PLSCR2: variants seen among roughly 807,000 people sequenced by gnomAD.
PLSCR2 encodes PL scramblase 2.
In PLSCR2, 18 loss-of-function variants were observed where a neutral mutation model predicts 25.3. The ratio of observed to expected loss-of-function variants is 0.71; its 90% CI spans 0.49 to 1.06. PLSCR2 has a LOEUF of 1.06. PLSCR2 is among the 50% of genes least tolerant of loss of function. The probability of loss-of-function intolerance (pLI) is 0.00; values close to 1 mark genes in which losing one functional copy is unlikely to be tolerated. For missense variants in PLSCR2, 243 were observed against 269.5 expected, an observed-to-expected ratio of 0.90 and a Z score of 0.69; for synonymous variants, 88 against 87.3, an observed-to-expected ratio of 1.01 and a Z score of -0.04.
chr3:146,395,930 G>A, intron 2 of PLSCR2: 1 of 326,446 alleles, frequency 3.1e-6, no homozygotes, highest in Non-Finnish European at 6.0e-6. Flanking sequence ...AACTAAAATG[G>A]AAAAATATAT....
intron 2 of PLSCR2, among the ~76,000 whole-genome samples, chr3:146,404,220 C>T (rs1168525174): frequency 2.6e-5 from 4 of 152,136 alleles, no homozygotes; most frequent in East Asian, 3.9e-4. Context: ...AAGTACCTTG[C>T]CTTGCTGAGA....
At chr3:146,483,610 G>A (rs1051026117) in intron 1 of PLSCR2, among the ~76,000 whole-genome samples, 11 of 149,976 alleles carry the variant, frequency 7.3e-5, no homozygotes, top group Admixed American at 1.3e-4. Context: ...CAGCCTCTTC[G>A]GGTGATGTAT....
intron 2 of PLSCR2, among the ~76,000 whole-genome samples, chr3:146,426,242 TCTCC>T (rs1279307821): frequency 9.4e-6 from 1 of 105,932 alleles, no homozygotes; most frequent in Non-Finnish European, 1.8e-5. Context: ...TCCCTCCCTC[TCTCC>T]CTCTCTCCCT....
chr3:146,473,020 C>T (rs775285747), intron 1 of PLSCR2, among the ~76,000 whole-genome samples: 1 of 152,130 alleles, frequency 6.6e-6, no homozygotes, highest in Non-Finnish European at 1.5e-5. Flanking sequence ...AATTTTTAAC[C>T]TTTCCTTAAT....
At chr3:146,440,376 G>A (rs1576630758), downstream of PLSCR2, among the ~76,000 whole-genome samples, 5 of 152,360 alleles carry the variant, frequency 3.3e-5, no homozygotes, top group South Asian at 1.0e-3. Flanking sequence ...TCCAGAGGTG[G>A]AGTCTACAGA....
chr3:146,434,547 T>C (rs564662310), intron 8 of PLSCR2, among the ~76,000 whole-genome samples: 75 of 152,108 alleles, frequency 4.9e-4, no homozygotes, highest in Admixed American at 1.0e-3. Flanking sequence ...TAGACTTTTA[T>C]ATATATATGA....
At chr3:146,402,205 G>A (rs2038496286) in intron 2 of PLSCR2, among the ~76,000 whole-genome samples, 1 of 152,052 alleles carries the variant, frequency 6.6e-6, no homozygotes, top group Non-Finnish European at 1.5e-5. Context: ...ATCCCCTATT[G>A]AGGATTACTA....
intron 3 of PLSCR2, among the ~76,000 whole-genome samples, chr3:146,391,865 T>C (rs1016878786): frequency 1.3e-5 from 2 of 152,124 alleles, no homozygotes; most frequent in Admixed American, 6.5e-5. Flanking sequence ...ACATACTCAT[T>C]TTAGAAAACT....
At chr3:146,490,945 T>C (rs1315885879) in intron 1 of PLSCR2, among the ~76,000 whole-genome samples, 1 of 152,118 alleles carries the variant, frequency 6.6e-6, no homozygotes, top group Non-Finnish European at 1.5e-5. Context: ...ATAGTGTCAG[T>C]GGGCTATGCA....
chr3:146,486,058 G>A (rs1307310307), intron 1 of PLSCR2, among the ~76,000 whole-genome samples: 3 of 151,896 alleles, frequency 2.0e-5, no homozygotes, highest in Non-Finnish European at 2.9e-5. Context: ...GAGACACAGA[G>A]CCAAACTGTA....
At chr3:146,483,483 A>G (rs1438734004) in intron 1 of PLSCR2, among the ~76,000 whole-genome samples, 1 of 81,204 alleles carries the variant, frequency 1.2e-5, no homozygotes, top group Non-Finnish European at 2.5e-5. Context: ...ACATGTGTAT[A>G]TATATATATA....
chr3:146,478,174 C>A (rs934252740), intron 1 of PLSCR2, among the ~76,000 whole-genome samples: 3 of 152,112 alleles, frequency 2.0e-5, no homozygotes, highest in African/African-American at 7.2e-5. Flanking sequence ...ACCAGAGCAC[C>A]CCTTCTCCTC....
In PLSCR2 at chr3:146,486,798, C is replaced by T. The variant is rs537624372; in HGVS notation, c.-293+9097G>A. 3.3e-5 allele frequency among the ~76,000 whole-genome samples: 5 copies of T among 152,180 alleles called. No homozygotes were observed. In the East Asian group the frequency reaches 9.7e-4, roughly 29 times the overall value. ...TTCCAAACAACTGAAAGGAAGGACT[C>T]CTCCTTAATTCATTTTAGGAGGCAG... On this transcript the variant is annotated intron_variant, in intron 1 of 8. Transcript: ENST00000336685.
chr3:146,424,475 C>G (rs1053609375), intron 2 of PLSCR2, among the ~76,000 whole-genome samples: 1 of 152,060 alleles, frequency 6.6e-6, no homozygotes, highest in Non-Finnish European at 1.5e-5. Context: ...CTTTTGACCT[C>G]AGAAATTATA....
chr3:146,464,572 AAAAC>A (rs755984816), upstream of PLSCR2, among the ~76,000 whole-genome samples: 19 of 152,334 alleles, frequency 1.2e-4, no homozygotes, highest in African/African-American at 4.1e-4. Flanking sequence ...ATGCTGTACT[AAAAC>A]AAAGCAAAAG....
At chr3:146,416,162 G>T (rs2039001278) in intron 2 of PLSCR2, among the ~76,000 whole-genome samples, 1 of 152,008 alleles carries the variant, frequency 6.6e-6, no homozygotes, top group South Asian at 2.1e-4. Flanking sequence ...GTGTTAGCCA[G>T]GATGGTCTCT....
chr3:146,495,547 A>G (rs912532551), intron 1 of PLSCR2, among the ~76,000 whole-genome samples: 3 of 152,118 alleles, frequency 2.0e-5, no homozygotes, highest in African/African-American at 7.2e-5. Context: ...CAATGCCCTT[A>G]TAGAAATAGA....
At chr3:146,469,438 A>G in intron 1 of PLSCR2, 57 bp downstream of exon 1, 3 of 925,122 alleles carry the variant, frequency 3.2e-6, no homozygotes, top group Non-Finnish European at 2.6e-6. Context: ...CATCGTCCCC[A>G]CTAGCCAGGC....
At chr3:146,408,820 C>T (rs141701307) in intron 2 of PLSCR2, among the ~76,000 whole-genome samples, 20 of 152,220 alleles carry the variant, frequency 1.3e-4, no homozygotes, top group African/African-American at 4.8e-4. Flanking sequence ...TCCCTTAATA[C>T]CCATGAGGAG....
Sources: gnomAD v4.1 joint callset for allele counts (sites outside exome capture counted in the v4.1 genomes callset) on GRCh38, gnomAD v4.1.1 for gene constraint, MANE v1.5 for transcripts, NCBI Gene and HGNC (gene_info 2026-07-23, HGNC 2026-07-21) for gene names.